SLC44A1: variants seen among roughly 807,000 people sequenced by gnomAD.
The protein encoded by SLC44A1 is choline transporter-like protein 1.
A neutral mutation model predicts 79.3 loss-of-function variants in SLC44A1; 26 were observed. The ratio of observed to expected loss-of-function variants is 0.33; its 90% CI spans 0.24 to 0.46. The LOEUF is 0.46. Ranked by LOEUF, SLC44A1 falls within the 20% of genes least tolerant of loss-of-function variation. SLC44A1 has a pLI of 1.00. For missense variants in SLC44A1, 688 were observed against 798.1 expected (o/e 0.86, Z 1.66); for synonymous variants, 263 against 286.2 (o/e 0.92, Z 0.82).
Position 105,351,531 on chromosome 9 carries a change from TGAAA to T in SLC44A1, c.500+3103_500+3106del, listed in dbSNP as rs752503504. ...CTGGGCAACAGAGCAAGACCCTGTC[TGAAA>T]GAAAGAAAGAAAGAAAGAAAGAGAG... On this transcript the variant is annotated intron_variant, in intron 5 of 15. Coordinates refer to ENST00000374720, the MANE Select transcript of SLC44A1 (RefSeq NM_080546.5). Among the ~76,000 whole-genome samples the T allele has an allele frequency of 2.1e-3, 115 of 55,294 alleles. 5 individuals are homozygous for T. The highest frequency in any genetic ancestry group is 5.3e-3 in the African/African-American group (81 of 15,306). 36.3% of individuals were successfully genotyped at this position (55,294 alleles called of 152,430 possible).
At chr9:105,336,402 C>A (rs1826922119) in intron 4 of SLC44A1, among the ~76,000 whole-genome samples, 1 of 152,112 alleles carries the variant, frequency 6.6e-6, no homozygotes, top group Admixed American at 6.6e-5. Context: ...AACATAGTTT[C>A]CTGAAATCTA....
At position 105,389,407 on chromosome 9, in the gene SLC44A1, A is replaced by G. The variant is rs1422337500; in HGVS notation, c.*351A>G. Reference sequence around the variant, plus strand: ...GAGGAGATTTTAACTTTATTTAAAAATAGGTAAAATTATTGTACCTAATTA... The same window carrying G: ...GAGGAGATTTTAACTTTATTTAAAAGTAGGTAAAATTATTGTACCTAATTA... On this transcript the variant is annotated 3_prime_UTR_variant, in exon 16 of 16. Coordinates refer to ENST00000374720, the MANE Select transcript of SLC44A1 (RefSeq NM_080546.5). 1 of 1,041,432 alleles carries G rather than the reference A, an allele frequency of 9.6e-7. No homozygotes were observed. Among genetic ancestry groups the G allele is most frequent in the Non-Finnish European group, 1.2e-6 (1 of 863,588 alleles). The allele number at this position is 1,041,432 out of a possible 1,614,324, so 64.5% of individuals were successfully genotyped here.
At chr9:105,247,353 A>G (rs570622865) in intron 1 of SLC44A1, among the ~76,000 whole-genome samples, 3 of 152,156 alleles carry the variant, frequency 2.0e-5, no homozygotes, top group South Asian at 4.1e-4. Flanking sequence ...GCTGGAGTGC[A>G]GTGGTGCGAT....
At chr9:105,413,768 C>G (rs1035225800) in intron 15 of SLC44A1, among the ~76,000 whole-genome samples, 2 of 152,290 alleles carry the variant, frequency 1.3e-5, no homozygotes, top group South Asian at 2.1e-4. Context: ...GCCTATCAGA[C>G]AGAATGTGAG....
intron 4 of SLC44A1, among the ~76,000 whole-genome samples, chr9:105,341,845 T>C (rs1331153622): frequency 6.6e-6 from 1 of 152,242 alleles, no homozygotes; most frequent in Non-Finnish European, 1.5e-5. Context: ...TTTTTATTCA[T>C]CTCTAAATAA....
At chr9:105,349,720 T>C (rs1369169359) in intron 5 of SLC44A1, among the ~76,000 whole-genome samples, 1 of 152,180 alleles carries the variant, frequency 6.6e-6, no homozygotes, top group African/African-American at 2.4e-5. Context: ...CCCTTATCTA[T>C]CCAACTGGTA....
chr9:105,436,202 A>G (rs1484697558), intron 15 of SLC44A1, among the ~76,000 whole-genome samples: 2 of 152,226 alleles, frequency 1.3e-5, no homozygotes, highest in African/African-American at 4.8e-5. Context: ...TATCTCAAAA[A>G]CAGAAAACAA....
chr9:105,345,435 G>A (rs1827219980), intron 4 of SLC44A1, among the ~76,000 whole-genome samples: 1 of 152,138 alleles, frequency 6.6e-6, no homozygotes, highest in African/African-American at 2.4e-5. Context: ...TAGAACGTAT[G>A]TTTTTTGGCC....
chr9:105,392,362 GA>G lies in SLC44A1; in HGVS notation c.*3309del. ...CTGAGTTTATTTTAAAGTTATGCTA[GA>G]AATGTTTTTCTTTTGTAGAGATGCT... On this transcript the variant is annotated 3_prime_UTR_variant, in exon 16 of 16. Coordinates refer to ENST00000374720, the MANE Select transcript of SLC44A1 (RefSeq NM_080546.5). 1.1e-6 allele frequency: 1 copy of G among 944,492 alleles called. No homozygotes were observed. The highest frequency in any genetic ancestry group is 1.3e-6 in the Non-Finnish European group (1 of 799,212). 58.5% of individuals were successfully genotyped at this position (944,492 alleles called of 1,614,324 possible).
chr9:105,365,532 C>T lies in SLC44A1; in HGVS notation c.1303C>T (p.Leu435Phe). 6.2e-7 allele frequency: 1 copy of T among 1,613,466 alleles called. No homozygotes were observed. The highest frequency in any genetic ancestry group is 8.5e-7 in the Non-Finnish European group (1 of 1,179,576). The change falls in exon 11 of 16, where the codon CTT becomes TTT. Residue 435 changes from leucine to phenylalanine, a missense_variant. Leu to Phe is a conservative substitution (Grantham distance 22, BLOSUM62 0). Transcript: ENST00000374720. ...FTPILASVNR[L>F]IRYHLGTVAK... ...ACCTATTTTGGCATCAGTAAATCGCCTTATTCGTTACCACCTAGGTACGGT... is the reference window on the plus strand; with the variant it reads ...ACCTATTTTGGCATCAGTAAATCGCTTTATTCGTTACCACCTAGGTACGGT...
At chr9:105,246,121 A>G (rs1409674814) in intron 1 of SLC44A1, among the ~76,000 whole-genome samples, 1 of 152,202 alleles carries the variant, frequency 6.6e-6, no homozygotes, top group African/African-American at 2.4e-5. Flanking sequence ...TTAGAAATAA[A>G]GGATGGTTGG....
At chr9:105,296,272 CTG>C (rs1024453798) in intron 1 of SLC44A1, among the ~76,000 whole-genome samples, 24 of 152,164 alleles carry the variant, frequency 1.6e-4, no homozygotes, top group Middle Eastern at 3.4e-3. Context: ...ACTTAAGACT[CTG>C]TCAGTATTTT....
chr9:105,392,243 A>C lies in SLC44A1; in HGVS notation c.*3187A>C, dbSNP rs1008576787. On this transcript the variant is annotated 3_prime_UTR_variant, in exon 16 of 16. Coordinates refer to ENST00000374720, the MANE Select transcript of SLC44A1 (RefSeq NM_080546.5). ...GATTAAAGTTTTTATTTTATCCTAT[A>C]AGATAATTAAGTCCTAAGTCACTAC... The C allele has an allele frequency of 2.0e-5, 20 of 983,702 alleles. No homozygotes were observed. The highest frequency in any genetic ancestry group is 2.3e-5 in the Non-Finnish European group (19 of 828,478). The allele number at this position is 983,702 out of a possible 1,614,324, so 60.9% of individuals were successfully genotyped here.
intron 1 of SLC44A1, among the ~76,000 whole-genome samples, chr9:105,298,344 G>T (rs1271320073): frequency 2.7e-5 from 4 of 148,240 alleles, no homozygotes; most frequent in African/African-American, 1.1e-4. Flanking sequence ...TTTTGTTGTT[G>T]TTGTTGTTGT....
chr9:105,318,658 G>C (rs574023172), intron 3 of SLC44A1, among the ~76,000 whole-genome samples: 2 of 152,036 alleles, frequency 1.3e-5, no homozygotes, highest in African/African-American at 4.8e-5. Context: ...TGTATTGCTA[G>C]TGCATTTCTG....
At position 105,391,994 on chromosome 9, in the gene SLC44A1, A is replaced by G. The variant is rs991297430; in HGVS notation, c.*2938A>G. ...CTCTGGTGCATAATTTAGACTTTCTAAGCTCCTGCCTGAAGAATAAGGTCT... is the reference window on the plus strand; with the variant it reads ...CTCTGGTGCATAATTTAGACTTTCTGAGCTCCTGCCTGAAGAATAAGGTCT... On this transcript the variant is annotated 3_prime_UTR_variant, in exon 16 of 16. Coordinates refer to ENST00000374720, the MANE Select transcript of SLC44A1 (RefSeq NM_080546.5). 9 of 985,222 alleles carry G rather than the reference A, an allele frequency of 9.1e-6. No homozygotes were observed. Among genetic ancestry groups the G allele is most frequent in the East Asian group, 2.3e-4 (2 of 8,816 alleles). The allele number at this position is 985,222 out of a possible 1,614,324, so 61.0% of individuals were successfully genotyped here.
chr9:105,395,566 T>C lies in SLC44A1; in HGVS notation c.*6510T>C, dbSNP rs1828859568. 1 of 985,368 alleles carries C rather than the reference T, an allele frequency of 1.0e-6. No homozygotes were observed. The allele number at this position is 985,368 out of a possible 1,614,324, so 61.0% of individuals were successfully genotyped here. A position where few individuals can be genotyped will look rare whatever the true frequency, so the allele number is the denominator to read the frequency against. ...CCACAGTAGTAAATGCAGAGACCAC[T>C]GGTGGAAATTCCCATGTTGGATAGA... On this transcript the variant is annotated 3_prime_UTR_variant, in exon 16 of 16. Coordinates refer to ENST00000374720, the MANE Select transcript of SLC44A1 (RefSeq NM_080546.5).
At position 105,390,668 on chromosome 9, in the gene SLC44A1, G is replaced by T. The variant is rs1028043082; in HGVS notation, c.*1612G>T. 1.0e-6 allele frequency: 1 copy of T among 985,422 alleles called. No individual in the cohort carries two copies. The highest frequency in any genetic ancestry group is 1.2e-6 in the Non-Finnish European group (1 of 829,706). 61.0% of individuals were successfully genotyped at this position (985,422 alleles called of 1,614,324 possible). A position where few individuals can be genotyped will look rare whatever the true frequency, so the allele number is the denominator to read the frequency against. On this transcript the variant is annotated 3_prime_UTR_variant, in exon 16 of 16. Transcript: ENST00000374720. ...AAATTGTATTTTTTTTTAAGTATTG[G>T]TGTTCTTTACTCTAGCTAGGCTAAA...
intron 3 of SLC44A1, among the ~76,000 whole-genome samples, chr9:105,326,431 G>A (rs1826578430): frequency 6.6e-6 from 1 of 152,162 alleles, no homozygotes; most frequent in East Asian, 1.9e-4. Flanking sequence ...TTTGCTATAA[G>A]TGACTCTTGG....
Sources: gnomAD v4.1 joint callset for allele counts (sites outside exome capture counted in the v4.1 genomes callset) on GRCh38, gnomAD v4.1.1 for gene constraint, MANE v1.5 for transcripts, NCBI Gene and HGNC (gene_info 2026-07-23, HGNC 2026-07-21) for gene names.